The following ASMTL variants were observed in gnomAD, a reference collection of about 807,000 sequenced individuals.
ASMTL encodes probable bifunctional dTTP/UTP pyrophosphatase/methyltransferase protein.
A neutral mutation model predicts 60.3 loss-of-function variants in ASMTL; 57 were observed. That is an observed-to-expected ratio of 0.95 (90% CI 0.76 to 1.18). The LOEUF is 1.18. ASMTL is among the 50% of genes most tolerant of loss of function. The probability of loss-of-function intolerance (pLI) is 0.00; values close to 1 mark genes in which losing one functional copy is unlikely to be tolerated. For synonymous variants in ASMTL, 419 were observed against 373.0 expected (o/e 1.12, Z -1.42); for missense variants, 981 against 852.6 (o/e 1.15, Z -1.88).
intron 3 of ASMTL, among the ~76,000 whole-genome samples, chrX:1,438,049 G>A (rs1253538346): frequency 6.6e-6 from 1 of 152,026 alleles, no homozygotes; most frequent in African/African-American, 2.4e-5. Context: ...AGCACTGTGG[G>A]AGGCTAAGGT....
At chrX:1,408,081 C>T in intron 12 of ASMTL, among the ~76,000 whole-genome samples, 1 of 151,214 alleles carries the variant, frequency 6.6e-6, no homozygotes. Context: ...AATGCTGGTA[C>T]TCCCAAATAC....
chrX:1,452,852 C>T lies in ASMTL; in HGVS notation c.-12G>A, dbSNP rs768974071. ...GGGCACAGCACCATGGCGTCCACGC[C>T]GGGAGCCGGGCGTCCGCACTTCTGA... On this transcript the variant is annotated 5_prime_UTR_variant, in exon 1 of 13. Transcript: ENST00000381317. 6.4e-6 allele frequency: 10 copies of T among 1,554,954 alleles called. No individual in the cohort carries two copies. The highest frequency in any genetic ancestry group is 8.6e-6 in the Non-Finnish European group (10 of 1,159,562).
chrX:1,420,207 T>C (rs779007331), intron 9 of ASMTL, among the ~76,000 whole-genome samples: 1 of 151,910 alleles, frequency 6.6e-6, no homozygotes, highest in East Asian at 1.9e-4. Context: ...TCTCCCTGTC[T>C]CTCCATCTCT....
At chrX:1,412,933 C>T in intron 11 of ASMTL, 79 bp from the exon 12 acceptor site, 2 of 1,524,232 alleles carry the variant, frequency 1.3e-6, no homozygotes, top group South Asian at 2.2e-5. Flanking sequence ...GGGACGGCCA[C>T]CCGCATCCTA....
chrX:1,427,644 C>G, intron 7 of ASMTL, 90 bp downstream of exon 7: 1 of 1,413,150 alleles, frequency 7.1e-7, no homozygotes, highest in South Asian at 1.3e-5. Context: ...CTGCCAGCCT[C>G]CAGGACAGTG....
chrX:1,433,773 G>A (rs1450782465), intron 5 of ASMTL, among the ~76,000 whole-genome samples: 4 of 151,816 alleles, frequency 2.6e-5, no homozygotes, highest in Admixed American at 2.0e-4. Context: ...GTGCCACGGC[G>A]GGCATGGAGG....
intron 3 of ASMTL, among the ~76,000 whole-genome samples, chrX:1,438,873 C>A (rs1478101502): frequency 6.6e-6 from 1 of 152,140 alleles, no homozygotes; most frequent in Admixed American, 6.5e-5. Flanking sequence ...GTGATCCGCC[C>A]ACCTCGGCCT....
intron 1 of ASMTL, among the ~76,000 whole-genome samples, chrX:1,447,316 A>T (rs1277614031): frequency 6.6e-6 from 1 of 152,182 alleles, no homozygotes; most frequent in African/African-American, 2.4e-5. Flanking sequence ...TCTTGGACAC[A>T]CACCGCCATC....
chrX:1,422,971 G>A (rs1167270890), intron 8 of ASMTL, among the ~76,000 whole-genome samples: 1 of 151,394 alleles, frequency 6.6e-6, no homozygotes, highest in Non-Finnish European at 1.5e-5. Context: ...AATTTTTTTT[G>A]AGATGGAGTC....
At chrX:1,419,883 C>A (rs1439386222) in intron 9 of ASMTL, among the ~76,000 whole-genome samples, 5 of 152,312 alleles carry the variant, frequency 3.3e-5, no homozygotes, top group African/African-American at 1.2e-4. Context: ...CTGTCCGTGC[C>A]TCTCGGCTTC....
chrX:1,421,650 T>C lies in ASMTL; in HGVS notation c.1245+8A>G. On this transcript the variant is annotated splice_region_variant and intron_variant, in intron 9 of 12. Transcript: ENST00000381317. ...GACGGAAAGGTGTCCGCGGGGGTGT[T>C]ATGCTACCTGGAACAGATCTTCCGC... 1 of 1,613,856 alleles carries C rather than the reference T, an allele frequency of 6.2e-7. No homozygotes were observed. Among genetic ancestry groups the C allele is most frequent in the Non-Finnish European group, 8.5e-7 (1 of 1,179,814 alleles).
At chrX:1,427,681 C>T (rs1603451160) in intron 7 of ASMTL, 53 bp downstream of exon 7, 10 of 1,532,094 alleles carry the variant, frequency 6.5e-6, no homozygotes, top group Admixed American at 3.7e-5. Context: ...TGATTTAAGC[C>T]GAGTGTGTAG....
intron 11 of ASMTL, among the ~76,000 whole-genome samples, chrX:1,417,167 C>T (rs1414004382): frequency 5.3e-5 from 8 of 151,394 alleles, no homozygotes; most frequent in Non-Finnish European, 1.2e-4. Context: ...CACACAACCA[C>T]CGGCCCACAG....
intron 12 of ASMTL, among the ~76,000 whole-genome samples, chrX:1,404,181 TAGATGGATGCATGGATG>T (rs1413473338): frequency 1.3e-5 from 2 of 150,744 alleles, no homozygotes; most frequent in African/African-American, 4.9e-5. Flanking sequence ...GATGGATGGA[TAGATGGATGCATGGATG>T]AGATGGATGG....
Position 1,403,244 on chromosome X carries a change from C to G in ASMTL, c.*25G>C. On this transcript the variant is annotated 3_prime_UTR_variant, in exon 13 of 13. Transcript: ENST00000381317. ...ACCTGCAGCCTGGGGGAGGACATCCCTATAATGAACATGCTGCCTGGGCTT... is the reference window on the plus strand; with the variant it reads ...ACCTGCAGCCTGGGGGAGGACATCCGTATAATGAACATGCTGCCTGGGCTT... 6.2e-7 allele frequency: 1 copy of G among 1,604,820 alleles called. No individual in the cohort carries two copies.
chrX:1,415,597 C>T (rs1442224612), intron 11 of ASMTL, among the ~76,000 whole-genome samples: 1 of 151,764 alleles, frequency 6.6e-6, no homozygotes, highest in Non-Finnish European at 1.5e-5. Flanking sequence ...TCCTGAGTAG[C>T]TGGGATTACA....
chrX:1,435,309 A>G, intron 4 of ASMTL: 2 of 629,598 alleles, frequency 3.2e-6, no homozygotes, highest in East Asian at 2.7e-5. Context: ...GGGAGGCGCC[A>G]GGCCAGGCAG....
chrX:1,421,532 G>A (rs768093262), intron 9 of ASMTL, 126 bp downstream of exon 9: 18 of 1,063,686 alleles, frequency 1.7e-5, no homozygotes, highest in African/African-American at 7.9e-5. Context: ...CAGGCAGAAC[G>A]AGCCAAGCCT....
chrX:1,452,910 C>CAA, upstream of ASMTL: 1 of 1,243,036 alleles, frequency 8.0e-7, no homozygotes, highest in African/African-American at 1.6e-5. Context: ...AGCGCGGCTG[C>CAA]AAAAAAAACA....
Sources: allele counts gnomAD v4.1 joint callset (sites outside exome capture counted in the v4.1 genomes callset), GRCh38; gene constraint gnomAD v4.1.1; transcripts MANE v1.5; gene names NCBI Gene and HGNC (gene_info 2026-07-23, HGNC 2026-07-21).